FOCAD: variants seen among roughly 807,000 people sequenced by gnomAD.
FOCAD encodes the protein focadhesin.
In FOCAD, 198 loss-of-function variants were observed where a neutral mutation model predicts 225.6. The ratio of observed to expected loss-of-function variants is 0.88; its 90% CI spans 0.78 to 0.99. FOCAD has a LOEUF of 0.99. FOCAD is among the 50% of genes least tolerant of loss of function. The pLI is 0.00. For missense variants in FOCAD, 2,713 were observed against 2,123.6 expected (o/e 1.28, Z -5.46); for synonymous variants, 897 against 755.0 (o/e 1.19, Z -3.08).
At chr9:20,992,060 C>A (rs1333237337) in intron 42 of FOCAD, among the ~76,000 whole-genome samples, 7 of 152,152 alleles carry the variant, frequency 4.6e-5, no homozygotes, top group African/African-American at 1.7e-4. Flanking sequence ...CTATTTTACT[C>A]TTTCTTCAAT....
chr9:20,919,429 A>G (rs544577541), intron 24 of FOCAD, among the ~76,000 whole-genome samples: 1 of 152,314 alleles, frequency 6.6e-6, no homozygotes, highest in South Asian at 2.1e-4. Flanking sequence ...CCATCAAGCT[A>G]CCAATGACTT....
At chr9:20,741,981 A>T (rs919550745) in intron 5 of FOCAD, among the ~76,000 whole-genome samples, 1 of 152,182 alleles carries the variant, frequency 6.6e-6, no homozygotes, top group Non-Finnish European at 1.5e-5. Context: ...TAATTCACAT[A>T]TGAGTGACCC....
At chr9:20,882,274 A>C (rs1789313969) in intron 20 of FOCAD, among the ~76,000 whole-genome samples, 1 of 152,206 alleles carries the variant, frequency 6.6e-6, no homozygotes, top group Non-Finnish European at 1.5e-5. Context: ...ACATTTTAGA[A>C]CTGTTTTCTC....
chr9:20,797,725 A>T (rs1186565257), intron 11 of FOCAD, among the ~76,000 whole-genome samples: 1 of 152,190 alleles, frequency 6.6e-6, no homozygotes, highest in Non-Finnish European at 1.5e-5. Flanking sequence ...GAAGTTGCTT[A>T]TCAGCTTAAG....
In FOCAD at chr9:20,976,409, G is replaced by A; in HGVS notation, c.4133-11G>A. On this transcript the variant is annotated splice_polypyrimidine_tract_variant and intron_variant, in intron 35 of 43. Transcript: ENST00000338382. ...AGGTGTTTTACTATTATTTTTCACT[G>A]TCTGTTATAGGTCCTGAATCTGTGC... The A allele has an allele frequency of 6.2e-7, 1 of 1,611,274 alleles. No individual in the cohort carries two copies.
intron 1 of FOCAD, among the ~76,000 whole-genome samples, chr9:20,704,138 T>G (rs987551490): frequency 7.2e-5 from 11 of 152,256 alleles, no homozygotes; most frequent in African/African-American, 2.7e-4. Flanking sequence ...ATTGATCTTA[T>G]TCATTTGAAC....
rs532943537 is a variant in FOCAD, at chr9:20,734,282, C to G, written c.288-5954C>G. Among the ~76,000 whole-genome samples, 77 of 152,168 alleles carry G rather than the reference C, an allele frequency of 5.1e-4. 1 individual carries two copies. The highest frequency in any genetic ancestry group is 1.8e-3 in the African/African-American group (74 of 41,510). On this transcript the variant is annotated intron_variant, in intron 4 of 43. Coordinates refer to ENST00000338382, the MANE Select transcript of FOCAD (RefSeq NM_001375567.1). ...CTTCAAATCTTGGTCTTGGTTTCTG[C>G]TAGGATATAGAGAAAACCAGGGTAA...
chr9:20,685,533 C>T (rs10964657), intron 1 of FOCAD, among the ~76,000 whole-genome samples: 20,494 of 152,124 alleles, frequency 0.13, 1,689 homozygotes, highest in Non-Finnish European at 0.19. Context: ...CCAATTCCTG[C>T]GTAGAAAGCA....
At position 20,762,774 on chromosome 9, in the gene FOCAD, G is replaced by A. The variant is rs1018114054; in HGVS notation, c.495-2095G>A. The stretch of plus-strand genomic sequence containing the variant: ...GGCCTTTTATTGATTCTGTCACCCC[G>A]TAGTGAACAAAGTGCCTAACAGGAA... On this transcript the variant is annotated intron_variant, in intron 6 of 43. Transcript: ENST00000338382. Among the ~76,000 whole-genome samples the A allele has an allele frequency of 3.3e-5, 5 of 151,996 alleles. No homozygotes were observed. In the South Asian group the frequency reaches 6.2e-4, roughly 19 times the overall value.
chr9:20,846,658 G>C (rs1827142341), intron 15 of FOCAD, among the ~76,000 whole-genome samples: 1 of 152,076 alleles, frequency 6.6e-6, no homozygotes, highest in Non-Finnish European at 1.5e-5. Flanking sequence ...TCTGGAAATG[G>C]TGTTGATTAA....
chr9:20,699,861 C>A (rs2131398352), intron 1 of FOCAD, among the ~76,000 whole-genome samples: 1 of 135,402 alleles, frequency 7.4e-6, no homozygotes, highest in South Asian at 2.4e-4. Context: ...TTCTCCTCCT[C>A]CTCCATGTTT....
chr9:20,770,039 A>G lies in FOCAD; in HGVS notation c.707A>G (p.Asp236Gly). 1 of 1,613,868 alleles carries G rather than the reference A, an allele frequency of 6.2e-7. No homozygotes were observed. Among genetic ancestry groups the G allele is most frequent in the Non-Finnish European group, 8.5e-7 (1 of 1,179,804 alleles). Reference protein sequence around the residue: ...CDIVPCLQVKDLIQTTEAMMF... With the variant: ...CDIVPCLQVKGLIQTTEAMMF... ...AATGACTTTTTTAAACAGGTAAAAG[A>G]TTTGATACAGACAACAGAGGCGATG... Residue 236 changes from aspartate to glycine, a missense_variant, in exon 8 of 44, where the codon GAT becomes GGT. By Grantham distance (94) the Asp-to-Gly change is moderately conservative. Transcript: ENST00000338382.
At chr9:20,817,874 T>C (rs1431156631) in intron 11 of FOCAD, among the ~76,000 whole-genome samples, 1 of 152,212 alleles carries the variant, frequency 6.6e-6, no homozygotes, top group African/African-American at 2.4e-5. Flanking sequence ...TGTGGACATA[T>C]GTGTTCTTTT....
At chr9:20,770,407 A>G (rs1028031825) in intron 8 of FOCAD, among the ~76,000 whole-genome samples, 169 bp downstream of exon 8, 1 of 152,170 alleles carries the variant, frequency 6.6e-6, no homozygotes, top group Non-Finnish European at 1.5e-5. Context: ...GAAACTTACA[A>G]TCATGGTGGA....
intron 41 of FOCAD, among the ~76,000 whole-genome samples, chr9:20,989,174 C>A (rs1841442344): frequency 6.6e-6 from 1 of 152,146 alleles, no homozygotes; most frequent in South Asian, 2.1e-4. Context: ...GTCAAATTTG[C>A]ATAACCTGGG....
intron 11 of FOCAD, among the ~76,000 whole-genome samples, chr9:20,819,028 A>G (rs1824034218): frequency 6.6e-6 from 1 of 152,094 alleles, no homozygotes; most frequent in African/African-American, 2.4e-5. Context: ...TTATTGTGTC[A>G]TGCATAGAGA....
intron 18 of FOCAD, among the ~76,000 whole-genome samples, chr9:20,872,290 AT>A (rs1318213344): frequency 6.6e-6 from 1 of 152,128 alleles, no homozygotes; most frequent in Non-Finnish European, 1.5e-5. Context: ...AAAAATATTG[AT>A]GACCCAGGTG....
chr9:20,705,663 T>C (rs1824318123), intron 1 of FOCAD, among the ~76,000 whole-genome samples: 1 of 151,884 alleles, frequency 6.6e-6, no homozygotes, highest in Non-Finnish European at 1.5e-5. Context: ...GAAAATGTTT[T>C]GTACTGGGCA....
chr9:20,697,795 C>G (rs1453527646), intron 1 of FOCAD, among the ~76,000 whole-genome samples: 2 of 152,220 alleles, frequency 1.3e-5, no homozygotes, highest in Non-Finnish European at 2.9e-5. Flanking sequence ...AGCTAACATA[C>G]TTGATTAAAA....
Sources: allele counts gnomAD v4.1 joint callset (sites outside exome capture counted in the v4.1 genomes callset), GRCh38; gene constraint gnomAD v4.1.1; transcripts MANE v1.5; gene names NCBI Gene and HGNC (gene_info 2026-07-23, HGNC 2026-07-21).